The following NBPF14 variants were observed in gnomAD, a reference collection of about 807,000 sequenced individuals.
NBPF14 encodes the protein NBPF family member NBPF14.
NBPF14 carries 104 observed loss-of-function variants against 91.2 expected under a neutral mutation model. The observed-to-expected ratio is 1.14, with a 90% CI of 0.97 to 1.34. The LOEUF is 1.34. Among genes scored for constraint, NBPF14 ranks in the 40% most tolerant of loss-of-function variants. The probability of loss-of-function intolerance (pLI) is 0.00; values close to 1 mark genes in which losing one functional copy is unlikely to be tolerated. For missense variants in NBPF14, 908 were observed against 783.0 expected (o/e 1.16, Z -1.91); for synonymous variants, 294 against 303.8 (o/e 0.97, Z 0.34).
chr1:148,577,449 GA>G (rs1475324332), intron 14 of NBPF14, 94 bp from the exon 15 acceptor site: 1 of 666,978 alleles, frequency 1.5e-6, no homozygotes, highest in Non-Finnish European at 2.8e-6. Flanking sequence ...GGAAGAGTTT[GA>G]AAAGAAAAAG....
At chr1:148,577,545 C>G (rs1660075713) in intron 14 of NBPF14, among the ~76,000 whole-genome samples, 190 bp from the exon 15 acceptor site, 1 of 22,708 alleles carries the variant, frequency 4.4e-5, no homozygotes, top group Admixed American at 3.3e-4. Flanking sequence ...ACGAGAAAGA[C>G]ACACACACAC....
chr1:148,585,058 T>A (rs1661291650), intron 10 of NBPF14, 83 bp downstream of exon 10: 1 of 813,006 alleles, frequency 1.2e-6, no homozygotes. Flanking sequence ...TTTTGGCCCA[T>A]CATAGATGCC....
At position 148,559,571 on chromosome 1, in the gene NBPF14, G is replaced by A. The variant is rs1330793483; in HGVS notation, c.4729+222C>T. 5.7e-3 allele frequency among the ~76,000 whole-genome samples: 693 copies of A among 122,402 alleles called. 113 individuals are homozygous for A. The highest frequency in any genetic ancestry group is 0.026 in the African/African-American group (588 of 22,650). The allele number at this position is 122,402 out of a possible 152,430, so 80.3% of individuals were successfully genotyped here. ...AATGTCATGAGAGTAGGATTAGGGC[G>A]CCACAGGCATGGCCTGAGACTAGGA... On this transcript the variant is annotated intron_variant, in intron 37 of 70. Transcript: ENST00000619423.
At chr1:148,561,334 AC>A in intron 35 of NBPF14, 72 bp downstream of exon 35, 2 of 199,316 alleles carry the variant, frequency 1.0e-5, no homozygotes, top group Non-Finnish European at 1.7e-5. Context: ...AGTAATGGCC[AC>A]TTGGAGCAGG....
At chr1:148,572,352 C>G in intron 21 of NBPF14, 91 bp downstream of exon 21, 2 of 312,112 alleles carry the variant, frequency 6.4e-6, no homozygotes, top group Non-Finnish European at 1.1e-5. Context: ...AATGACGTCT[C>G]TCGGGTCAGT....
At chr1:148,560,149 G>C (rs1215432620) in intron 36 of NBPF14, among the ~76,000 whole-genome samples, 184 bp from the exon 37 acceptor site, 1 of 151,186 alleles carries the variant, frequency 6.6e-6, no homozygotes, top group Non-Finnish European at 1.5e-5. Context: ...CAATGAAAGA[G>C]AAAGACAGAG....
chr1:148,566,297 C>A, exon 29 of NBPF14: 3 of 690,534 alleles, frequency 4.3e-6, no homozygotes, highest in South Asian at 3.1e-5. Flanking sequence ...CTACTACCTC[C>A]AGCAGCTCCC....
At chr1:148,542,121 T>G (rs1289911556) in intron 59 of NBPF14, among the ~76,000 whole-genome samples, 6 of 103,998 alleles carry the variant, frequency 5.8e-5, no homozygotes, top group Admixed American at 1.7e-4. Flanking sequence ...TCCAATCAAC[T>G]TAAAGCATAT....
At chr1:148,587,323 G>C (rs1661715670) in exon 8 of NBPF14, 1 of 1,581,412 alleles carries the variant, frequency 6.3e-7, no homozygotes, top group East Asian at 2.2e-5. Context: ...GCTTGCTTCA[G>C]CTGCTCCGCA....
intron 67 of NBPF14, among the ~76,000 whole-genome samples, chr1:148,536,006 C>A (rs1319817826): frequency 2.0e-5 from 3 of 150,530 alleles, no homozygotes; most frequent in Non-Finnish European, 4.5e-5. Flanking sequence ...TAGGGCGCCA[C>A]AGGCATGGCC....
At chr1:148,542,056 T>C (rs1252898408) in intron 59 of NBPF14, among the ~76,000 whole-genome samples, 1 of 87,782 alleles carries the variant, frequency 1.1e-5, no homozygotes, top group Non-Finnish European at 1.9e-5. Flanking sequence ...TTCTAGTAGA[T>C]CGTTATCCCA....
intron 15 of NBPF14, 148 bp downstream of exon 15, chr1:148,577,035 A>T (rs1315049842): frequency 1.6e-6 from 1 of 631,552 alleles, no homozygotes; most frequent in Non-Finnish European, 2.9e-6. Flanking sequence ...TCCAAGTGGA[A>T]CTAGAGTTTC....
chr1:148,586,893 G>A (rs1475441592), intron 8 of NBPF14, among the ~76,000 whole-genome samples: 1 of 142,574 alleles, frequency 7.0e-6, no homozygotes, highest in Non-Finnish European at 1.6e-5. Flanking sequence ...AAGAAGAAAA[G>A]AATGACAGGG....
chr1:148,534,177 T>G (rs1420948143), intron 69 of NBPF14, among the ~76,000 whole-genome samples: 2 of 149,462 alleles, frequency 1.3e-5, no homozygotes, highest in Non-Finnish European at 3.0e-5. Context: ...ATGTCCCTAT[T>G]CTAGTAGATC....
intron 67 of NBPF14, among the ~76,000 whole-genome samples, chr1:148,535,981 T>C (rs1655118812): frequency 1.3e-5 from 2 of 150,680 alleles, no homozygotes; most frequent in African/African-American, 2.4e-5. Flanking sequence ...AGATCCAACA[T>C]CTTGAGAGTA....
chr1:148,577,517 C>T (rs1392218132), intron 14 of NBPF14, among the ~76,000 whole-genome samples, 162 bp from the exon 15 acceptor site: 3 of 149,664 alleles, frequency 2.0e-5, no homozygotes, highest in Non-Finnish European at 4.4e-5. Flanking sequence ...TAGACTATGG[C>T]CAGGTAGAAA....
chr1:148,560,257 T>C (rs1657579954), intron 36 of NBPF14, among the ~76,000 whole-genome samples: 1 of 148,168 alleles, frequency 6.7e-6, no homozygotes, highest in African/African-American at 2.6e-5. Flanking sequence ...AAGGACACTC[T>C]GAGTTAGTGC....
exon 37 of NBPF14, chr1:148,559,909 T>C (rs1308304194): frequency 3.9e-6 from 5 of 1,296,028 alleles, no homozygotes; most frequent in East Asian, 2.5e-5. Context: ...ATAACATCTA[T>C]CCAGTGAGTC....
chr1:148,539,530 G>A, exon 63 of NBPF14: 1 of 278,316 alleles, frequency 3.6e-6, no homozygotes, highest in Non-Finnish European at 6.1e-6. Context: ...CATCTATCCA[G>A]TGAGTCCTGC....
Sources: allele counts gnomAD v4.1 joint callset (sites outside exome capture counted in the v4.1 genomes callset), GRCh38; gene constraint gnomAD v4.1.1; transcripts MANE v1.5; gene names NCBI Gene and HGNC (gene_info 2026-07-23, HGNC 2026-07-21).